The following PPP1R9A variants were observed in gnomAD, a reference collection of about 807,000 sequenced individuals.
PPP1R9A encodes protein phosphatase 1 regulatory subunit 9A.
In PPP1R9A, 59 loss-of-function variants were observed where a neutral mutation model predicts 141.9. The observed-to-expected ratio is 0.42, with a 90% CI of 0.34 to 0.52. The LOEUF is 0.52. Among genes scored for constraint, PPP1R9A ranks in the 20% least tolerant of loss-of-function variants. The pLI is 0.10. For missense variants in PPP1R9A, 1,444 were observed against 1,611.9 expected, an observed-to-expected ratio of 0.90 and a Z score of 1.78; for synonymous variants, 500 against 569.7, an observed-to-expected ratio of 0.88 and a Z score of 1.74.
chr7:95,118,341 A>G (rs1337402807), intron 3 of PPP1R9A, among the ~76,000 whole-genome samples: 1 of 152,228 alleles, frequency 6.6e-6, no homozygotes, highest in South Asian at 2.1e-4. Context: ...TCACATGTAT[A>G]TAAACTTAAT....
At chr7:95,168,235 T>C (rs1831563862) in intron 5 of PPP1R9A, among the ~76,000 whole-genome samples, 1 of 151,778 alleles carries the variant, frequency 6.6e-6, no homozygotes, top group South Asian at 2.1e-4. Context: ...CAGAAACAAA[T>C]TCACACCTTT....
intron 7 of PPP1R9A, among the ~76,000 whole-genome samples, chr7:95,207,107 A>C (rs919872792): frequency 3.3e-5 from 5 of 152,196 alleles, no homozygotes; most frequent in African/African-American, 9.6e-5. Context: ...CTTTACTCAA[A>C]GAAAAAAAGT....
intron 2 of PPP1R9A, among the ~76,000 whole-genome samples, chr7:94,916,028 A>G (rs747039089): frequency 6.6e-6 from 1 of 152,068 alleles, no homozygotes; most frequent in Non-Finnish European, 1.5e-5. Flanking sequence ...CATTCATTTT[A>G]TCATAATTTC....
chr7:94,920,026 G>C (rs1182880371), intron 2 of PPP1R9A, among the ~76,000 whole-genome samples: 1 of 152,032 alleles, frequency 6.6e-6, no homozygotes, highest in Non-Finnish European at 1.5e-5. Flanking sequence ...TTTGTGCTAT[G>C]ATTTCAAAGA....
At chr7:94,969,749 C>T (rs1318857840) in intron 2 of PPP1R9A, among the ~76,000 whole-genome samples, 1 of 152,152 alleles carries the variant, frequency 6.6e-6, no homozygotes, top group East Asian at 1.9e-4. Context: ...CGCCCAGAGC[C>T]ACCCTTTCCC....
At chr7:94,948,748 TCTC>T (rs1796149472) in intron 2 of PPP1R9A, among the ~76,000 whole-genome samples, 1 of 152,084 alleles carries the variant, frequency 6.6e-6, no homozygotes, top group East Asian at 1.9e-4. Context: ...CTTTTGTCAT[TCTC>T]CTGGCATTTA....
intron 2 of PPP1R9A, among the ~76,000 whole-genome samples, chr7:94,957,837 T>TA (rs1401012475): frequency 6.6e-6 from 1 of 152,070 alleles, no homozygotes; most frequent in Non-Finnish European, 1.5e-5. Flanking sequence ...CCATACTAAC[T>TA]AAAGCAATTT....
Position 95,011,894 on chromosome 7 carries a change from A to T in PPP1R9A, c.1396-99365A>T, listed in dbSNP as rs188790164. Among the ~76,000 whole-genome samples the T allele has an allele frequency of 3.4e-4, 52 of 152,326 alleles. No individual in the cohort carries two copies. In the East Asian group the frequency reaches 6.9e-3, roughly 20 times the overall value. On this transcript the variant is annotated intron_variant, in intron 2 of 19. Coordinates refer to ENST00000433360, the MANE Select transcript of PPP1R9A (RefSeq NM_001166160.2). ...ACTGATGTGCTATGTCATGGCAAAT[A>T]ATATGTTATTTAATGTGAATAAATA...
At chr7:95,022,237 T>G (rs1328582985) in intron 2 of PPP1R9A, among the ~76,000 whole-genome samples, 1 of 152,204 alleles carries the variant, frequency 6.6e-6, no homozygotes, top group East Asian at 1.9e-4. Context: ...GTAGCAATTG[T>G]GAATGGGAGT....
intron 5 of PPP1R9A, among the ~76,000 whole-genome samples, chr7:95,185,378 A>ATTTTTTTTTTTTT (rs147366122): frequency 5.4e-5 from 8 of 148,814 alleles, no homozygotes; most frequent in African/African-American, 2.0e-4. Flanking sequence ...TTTTTATGGG[A>ATTTTTTTTTTTTT]TTTTTTTTTT....
At chr7:94,970,404 T>A (rs1584447978) in intron 2 of PPP1R9A, among the ~76,000 whole-genome samples, 1 of 151,650 alleles carries the variant, frequency 6.6e-6, no homozygotes, top group African/African-American at 2.4e-5. Context: ...GTGGAGGGAG[T>A]TCCCTGACCC....
chr7:95,189,597 C>T (rs1254080410), intron 5 of PPP1R9A, among the ~76,000 whole-genome samples: 5 of 151,134 alleles, frequency 3.3e-5, no homozygotes, highest in Admixed American at 1.3e-4. Flanking sequence ...CCACTACGCC[C>T]GGCTAATTTT....
At chr7:95,100,789 A>G (rs549099228) in intron 2 of PPP1R9A, among the ~76,000 whole-genome samples, 1 of 151,824 alleles carries the variant, frequency 6.6e-6, no homozygotes, top group Admixed American at 6.5e-5. Flanking sequence ...AGAACAGAAA[A>G]TAGGGCCTTG....
At chr7:95,102,352 A>C (rs1301199823) in intron 2 of PPP1R9A, among the ~76,000 whole-genome samples, 1 of 152,224 alleles carries the variant, frequency 6.6e-6, no homozygotes, top group Non-Finnish European at 1.5e-5. Flanking sequence ...TTAACTTACC[A>C]TCAAATGTAG....
chr7:94,969,842 G>T (rs1798661237), intron 2 of PPP1R9A, among the ~76,000 whole-genome samples: 1 of 152,174 alleles, frequency 6.6e-6, no homozygotes, highest in Non-Finnish European at 1.5e-5. Flanking sequence ...GAGATGCCCT[G>T]CCCAGAGAGG....
intron 5 of PPP1R9A, among the ~76,000 whole-genome samples, chr7:95,173,218 C>T (rs201682550): frequency 4.0e-5 from 6 of 151,758 alleles, no homozygotes; most frequent in African/African-American, 9.7e-5. Flanking sequence ...TGGAGCTAGA[C>T]ATGGGTATCC....
intron 2 of PPP1R9A, among the ~76,000 whole-genome samples, chr7:94,955,642 T>C (rs374595202): frequency 6.6e-6 from 1 of 152,112 alleles, no homozygotes; most frequent in Admixed American, 6.6e-5. Flanking sequence ...TGTCACAAAT[T>C]TGTTATTTTG....
intron 8 of PPP1R9A, among the ~76,000 whole-genome samples, chr7:95,240,762 A>T (rs1009327863): frequency 2.0e-5 from 3 of 151,876 alleles, no homozygotes; most frequent in Admixed American, 6.6e-5. Flanking sequence ...CTTTCTCTTC[A>T]GCCTAGAATT....
chr7:95,205,810 C>T (rs557400866), intron 7 of PPP1R9A, among the ~76,000 whole-genome samples: 1 of 152,242 alleles, frequency 6.6e-6, no homozygotes, highest in African/African-American at 2.4e-5. Flanking sequence ...CATTATTTAT[C>T]CATAAATTCC....
Sources: allele counts gnomAD v4.1 joint callset (sites outside exome capture counted in the v4.1 genomes callset), GRCh38; gene constraint gnomAD v4.1.1; transcripts MANE v1.5; gene names NCBI Gene and HGNC (gene_info 2026-07-23, HGNC 2026-07-21).